BLTP1: variants seen among roughly 807,000 people sequenced by gnomAD.
BLTP1 encodes the protein fragile site-associated protein.
At chr4:122,155,480 C>G in the BLTP1 span, among the ~76,000 whole-genome samples, 2 of 151,996 alleles carry the variant, frequency 1.3e-5, no homozygotes, top group African/African-American at 4.8e-5. Flanking sequence ...TGTGCCACCA[C>G]GCCTGGCCAA....
chr4:122,226,286 TA>T, the BLTP1 span: 2 of 542,588 alleles, frequency 3.7e-6, no homozygotes, highest in Non-Finnish European at 4.7e-6. Flanking sequence ...TACCTGGTTT[TA>T]AAAAAACTGT....
At chr4:122,353,152 G>A in the BLTP1 span, 1 of 1,612,572 alleles carries the variant, frequency 6.2e-7, no homozygotes. The surrounding 1 kb of genome is among the most constrained non-coding windows in gnomAD (Gnocchi z 4.3). Context: ...AATCTGGGAA[G>A]ATGGTAAACT....
chr4:122,247,407 A>G, the BLTP1 span: 1 of 1,597,828 alleles, frequency 6.3e-7, no homozygotes, highest in Non-Finnish European at 8.6e-7. Context: ...TAAATGTAAG[A>G]TGATTTTGCA....
chr4:122,238,750 C>G, the BLTP1 span, among the ~76,000 whole-genome samples: 2 of 152,112 alleles, frequency 1.3e-5, no homozygotes, highest in Non-Finnish European at 2.9e-5. Context: ...AAATTTCGTC[C>G]CACCTCCTTG....
chr4:122,312,110 A>T, the BLTP1 span, among the ~76,000 whole-genome samples: 1 of 152,074 alleles, frequency 6.6e-6, no homozygotes, highest in Admixed American at 6.6e-5. Context: ...ATCATAGCTC[A>T]CTGCAGCCTT....
chr4:122,205,201 A>G, the BLTP1 span, among the ~76,000 whole-genome samples: 1 of 151,862 alleles, frequency 6.6e-6, no homozygotes, highest in Non-Finnish European at 1.5e-5. Flanking sequence ...AATACAAGGA[A>G]AACTACTTTA....
At chr4:122,314,061 A>G in the BLTP1 span, 1 of 970,226 alleles carries the variant, frequency 1.0e-6, no homozygotes, top group Non-Finnish European at 1.2e-6. Flanking sequence ...AATGTATAAA[A>G]AGAAGAGAAT....
chr4:122,170,988 C>T, the BLTP1 span, among the ~76,000 whole-genome samples: 2 of 152,148 alleles, frequency 1.3e-5, no homozygotes, highest in Non-Finnish European at 2.9e-5. Context: ...AAGAACACTG[C>T]ACTTAGCTTA....
chr4:122,356,333 G>A, the BLTP1 span, among the ~76,000 whole-genome samples: 2 of 152,124 alleles, frequency 1.3e-5, no homozygotes, highest in Non-Finnish European at 2.9e-5. Context: ...ATGCTCATTG[G>A]AGGATTTCAG....
At chr4:122,317,264 G>C in the BLTP1 span, among the ~76,000 whole-genome samples, 2 of 151,922 alleles carry the variant, frequency 1.3e-5, no homozygotes, top group Non-Finnish European at 2.9e-5. Context: ...CCCGGGAGGA[G>C]GAGGTTGCAG....
At chr4:122,189,781 TTTATTA>T in the BLTP1 span, 4 of 902,628 alleles carry the variant, frequency 4.4e-6, no homozygotes, top group Non-Finnish European at 5.3e-6. Flanking sequence ...TTAGTATCAT[TTTATTA>T]TTAAGTCCAA....
the BLTP1 span, chr4:122,235,529 G>A: frequency 3.2e-4 from 313 of 968,264 alleles, no homozygotes; most frequent in Non-Finnish European, 3.7e-4. Flanking sequence ...ACTCTGGCCG[G>A]GCGTGGTGGC....
the BLTP1 span, among the ~76,000 whole-genome samples, chr4:122,213,211 T>A: frequency 6.6e-6 from 1 of 152,066 alleles, no homozygotes; most frequent in Non-Finnish European, 1.5e-5. Flanking sequence ...TTTTAAAAAA[T>A]TATTTTTTGG....
chr4:122,156,824 G>A, the BLTP1 span, among the ~76,000 whole-genome samples: 42 of 152,268 alleles, frequency 2.8e-4, no homozygotes, highest in Non-Finnish European at 5.1e-4. Context: ...AACTGGAAAG[G>A]ATATAATACA....
the BLTP1 span, chr4:122,343,620 G>A: frequency 1.2e-6 from 2 of 1,611,728 alleles, no homozygotes; most frequent in Admixed American, 3.3e-5. Context: ...GGTATACTTT[G>A]CATGTTTATG....
At chr4:122,227,709 T>G in the BLTP1 span, 2 of 154,348 alleles carry the variant, frequency 1.3e-5, no homozygotes, top group African/African-American at 4.8e-5. Context: ...AACGCATCCT[T>G]ATATATTGAC....
chr4:122,217,965 T>A, the BLTP1 span, among the ~76,000 whole-genome samples: 1 of 152,212 alleles, frequency 6.6e-6, no homozygotes, highest in East Asian at 1.9e-4. Flanking sequence ...TCCAGGAATT[T>A]ATCCATCTCC....
chr4:122,348,782 A>T, the BLTP1 span: 1 of 1,086,804 alleles, frequency 9.2e-7, no homozygotes. Context: ...CTACTGTAGT[A>T]AAGATATTCA....
chr4:122,289,001 T>C, the BLTP1 span: 14 of 1,374,434 alleles, frequency 1.0e-5, no homozygotes, highest in Non-Finnish European at 2.0e-6. Context: ...ATTATCTCTT[T>C]TTTCCTCAGT....
Sources: allele counts gnomAD v4.1 joint callset (sites outside exome capture counted in the v4.1 genomes callset), GRCh38; gene constraint gnomAD v4.1.1; non-coding constraint Gnocchi (gnomAD v3.1); transcripts MANE v1.5; gene names NCBI Gene and HGNC (gene_info 2026-07-23, HGNC 2026-07-21).